The following C4orf36 variants were observed in gnomAD, a reference collection of about 807,000 sequenced individuals.
C4orf36 encodes chromosome 4 open reading frame 36.
Under a neutral mutation model 12.2 loss-of-function variants are expected in C4orf36, and 11 were observed. The ratio of observed to expected loss-of-function variants is 0.90; its 90% confidence interval spans 0.57 to 1.49. The LOEUF (loss-of-function observed/expected upper bound fraction) is 1.49, where lower values mean the gene tolerates loss of function less well. Among genes scored for constraint, C4orf36 ranks in the 40% most tolerant of loss-of-function variants. The probability of loss-of-function intolerance (pLI) is 0.00; values close to 1 mark genes in which losing one functional copy is unlikely to be tolerated. For missense variants in C4orf36, 137 were observed against 133.9 expected, an observed-to-expected ratio of 1.02 and a Z score of -0.11; for synonymous variants, 54 against 51.3, an observed-to-expected ratio of 1.05 and a Z score of -0.22.
the C4orf36 span, among the ~76,000 whole-genome samples, chr4:86,911,060 C>T: frequency 7.9e-5 from 12 of 152,096 alleles, no homozygotes; most frequent in South Asian, 8.3e-4. Context: ...TCCAGCCTGG[C>T]GACAGAGTGA....
chr4:86,895,219 G>A (rs1747565447), upstream of C4orf36, among the ~76,000 whole-genome samples: 1 of 152,112 alleles, frequency 6.6e-6, no homozygotes, highest in Non-Finnish European at 1.5e-5. Context: ...CAGAGGCTGA[G>A]GCAGGAGGAT....
At chr4:86,890,192 AG>A (rs1747342303) in intron 2 of C4orf36, 12 of 105,678 alleles carry the variant, frequency 1.1e-4, no homozygotes, top group Middle Eastern at 3.4e-3. Flanking sequence ...GGAGGGAGGG[AG>A]GGAGGGAGGG....
At chr4:86,890,177 A>AG (rs1747338377) in intron 2 of C4orf36, 1 of 226,846 alleles carries the variant, frequency 4.4e-6, no homozygotes, top group African/African-American at 3.4e-5. Flanking sequence ...AAAGAAGGAA[A>AG]GAAGGGAGGG....
At chr4:86,907,945 G>C in the C4orf36 span, among the ~76,000 whole-genome samples, 2 of 151,018 alleles carry the variant, frequency 1.3e-5, no homozygotes, top group African/African-American at 4.9e-5. Context: ...TCCAGCCTGG[G>C]TGACTGTGCC....
At chr4:86,935,076 G>C in the C4orf36 span, 1 of 152,054 alleles carries the variant, frequency 6.6e-6, no homozygotes, top group South Asian at 2.1e-4. Context: ...CGCGCGTTGC[G>C]GCCGCAGCTG....
the C4orf36 span, among the ~76,000 whole-genome samples, chr4:86,904,772 G>A: frequency 6.6e-6 from 1 of 151,868 alleles, no homozygotes; most frequent in South Asian, 2.1e-4. Context: ...TTACAGATTC[G>A]AAAAGTACAC....
At chr4:86,932,159 C>T in the C4orf36 span, 1 of 151,612 alleles carries the variant, frequency 6.6e-6, no homozygotes, top group East Asian at 1.9e-4. Flanking sequence ...CCAGCCTGAC[C>T]AACATGGAGA....
chr4:86,897,951 A>T, the C4orf36 span, among the ~76,000 whole-genome samples: 1 of 152,220 alleles, frequency 6.6e-6, no homozygotes, highest in African/African-American at 2.4e-5. Context: ...TATAGGAAAA[A>T]AAAGTATTTC....
intron 4 of C4orf36, among the ~76,000 whole-genome samples, chr4:86,879,617 C>T (rs1747001573): frequency 6.6e-6 from 1 of 152,158 alleles, no homozygotes; most frequent in Non-Finnish European, 1.5e-5. Context: ...AGCAAGCCTA[C>T]TTGAAGAGAT....
At chr4:86,909,744 C>G in the C4orf36 span, among the ~76,000 whole-genome samples, 2 of 152,130 alleles carry the variant, frequency 1.3e-5, no homozygotes, top group East Asian at 3.9e-4. Flanking sequence ...CCAACTGTGC[C>G]AGATTCTCTG....
chr4:86,930,209 A>G, the C4orf36 span, among the ~76,000 whole-genome samples: 1 of 152,206 alleles, frequency 6.6e-6, no homozygotes, highest in Non-Finnish European at 1.5e-5. Context: ...ATAATCATTC[A>G]GGTTTCCTTT....
the C4orf36 span, among the ~76,000 whole-genome samples, chr4:86,904,298 C>T: frequency 6.6e-6 from 1 of 152,252 alleles, no homozygotes; most frequent in Non-Finnish European, 1.5e-5. Context: ...TCTCTTCACA[C>T]TTCCCCGCGA....
At chr4:86,915,758 G>A in the C4orf36 span, among the ~76,000 whole-genome samples, 1 of 152,202 alleles carries the variant, frequency 6.6e-6, no homozygotes, top group South Asian at 2.1e-4. Flanking sequence ...TTACACTCCA[G>A]CCTGGGCAAC....
At chr4:86,913,356 GC>G in the C4orf36 span, 2 of 825,696 alleles carry the variant, frequency 2.4e-6, no homozygotes, top group Non-Finnish European at 2.1e-6. Context: ...AATCTTGCTT[GC>G]CCACCTCATA....
chr4:86,929,351 T>G, the C4orf36 span, among the ~76,000 whole-genome samples: 1 of 152,172 alleles, frequency 6.6e-6, no homozygotes, highest in South Asian at 2.1e-4. Flanking sequence ...TTTTTTTATT[T>G]TATTTTTTAT....
chr4:86,906,694 A>G, the C4orf36 span, among the ~76,000 whole-genome samples: 9,589 of 141,664 alleles, frequency 0.068, 425 homozygotes, highest in Non-Finnish European at 0.088. Flanking sequence ...TCGCATCGCT[A>G]CACTCCAGCC....
chr4:86,908,644 ACT>A, the C4orf36 span, among the ~76,000 whole-genome samples: 2 of 106,430 alleles, frequency 1.9e-5, no homozygotes, highest in Non-Finnish European at 3.8e-5. Context: ...CCTCAACCTT[ACT>A]CTCTCTCTCT....
chr4:86,922,193 C>T, the C4orf36 span, among the ~76,000 whole-genome samples: 186 of 152,272 alleles, frequency 1.2e-3, 2 homozygotes, highest in African/African-American at 4.2e-3. Flanking sequence ...CTACTATATT[C>T]CACCAGACAC....
At chr4:86,912,769 AAT>A in the C4orf36 span, among the ~76,000 whole-genome samples, 1 of 152,202 alleles carries the variant, frequency 6.6e-6, no homozygotes, top group Non-Finnish European at 1.5e-5. Flanking sequence ...AATGTGTATG[AAT>A]ATGGACATGA....
Sources: allele counts gnomAD v4.1 joint callset (sites outside exome capture counted in the v4.1 genomes callset), GRCh38; gene constraint gnomAD v4.1.1; transcripts MANE v1.5; gene names NCBI Gene and HGNC (gene_info 2026-07-23, HGNC 2026-07-21).